The following SMC6 variants were observed in gnomAD, a reference collection of about 807,000 sequenced individuals.
SMC6 encodes the protein structural maintenance of chromosomes protein 6.
A neutral mutation model predicts 142.2 loss-of-function variants in SMC6; 79 were observed. The observed-to-expected ratio is 0.56, with a 90% CI of 0.46 to 0.67. The LOEUF is 0.67. Among genes scored for constraint, SMC6 ranks in the 30% least tolerant of loss-of-function variants. SMC6 has a pLI of 0.00. For synonymous variants in SMC6, 411 were observed against 412.4 expected (o/e 1.00, Z 0.04); for missense variants, 1,072 against 1,284.0 (o/e 0.83, Z 2.52).
At chr2:17,725,997 A>G (rs1669596994) in intron 8 of SMC6, among the ~76,000 whole-genome samples, 2 of 150,176 alleles carry the variant, frequency 1.3e-5, no homozygotes, top group African/African-American at 4.9e-5. Flanking sequence ...CTGAGGCACG[A>G]AAATCACTTA....
At chr2:17,723,024 G>GA (rs926813678) in intron 9 of SMC6, among the ~76,000 whole-genome samples, 2 of 142,136 alleles carry the variant, frequency 1.4e-5, no homozygotes, top group Admixed American at 7.0e-5. Context: ...GAAAAGAAAG[G>GA]AAAAAAAAAG....
intron 7 of SMC6, among the ~76,000 whole-genome samples, chr2:17,730,348 A>T (rs1669844543): frequency 6.6e-6 from 1 of 152,022 alleles, no homozygotes; most frequent in Admixed American, 6.6e-5. Context: ...TCTTTCTAGA[A>T]TAAATTTTCT....
At chr2:17,753,336 C>A in intron 1 of SMC6, among the ~76,000 whole-genome samples, 1 of 151,684 alleles carries the variant, frequency 6.6e-6, no homozygotes, top group South Asian at 2.1e-4. Context: ...GGGACGGCCG[C>A]CTGGGAGGGG....
At chr2:17,708,491 T>C (rs903902816) in intron 17 of SMC6, 148 bp downstream of exon 17, 12 of 370,474 alleles carry the variant, frequency 3.2e-5, no homozygotes, top group Admixed American at 1.4e-4. Flanking sequence ...TTCTATATTA[T>C]CCTACAGATT....
rs371061184 is a variant in SMC6, at chr2:17,726,183, AG to A, written c.624+205del. Among the ~76,000 whole-genome samples the A allele has an allele frequency of 2.0e-3, 296 of 151,628 alleles. 3 individuals carry two copies. The highest frequency in any genetic ancestry group is 6.9e-3 in the African/African-American group (284 of 41,400). On this transcript the variant is annotated intron_variant, in intron 8 of 27. Transcript: ENST00000448223. ...ATTTCCTTAAAGATTAAGAATTAAAAGCCAAAAAGTAAAAACAAAGATTTAA... is the reference window on the plus strand; with the variant it reads ...ATTTCCTTAAAGATTAAGAATTAAAACCAAAAAGTAAAAACAAAGATTTAA...
chr2:17,670,524 A>T lies in SMC6; in HGVS notation c.2962T>A (p.Ser988Thr). Residue 988 changes from serine to threonine, a missense_variant, in exon 26 of 28, where the codon TCT (serine) becomes ACT (threonine). Around this residue, in one of 3 missense-constraint regions of SMC6, gnomAD observed 2 missense variants for 18.5 expected, o/e 0.11. Transcript: ENST00000448223. ...KAAFNDMRAL[S>T]GGERSFSTVC... ...GTGGAGAAAGAACGTTCACCTCCAG[A>T]CAAGGCTCTCATGTCATTGAAAGCA... is the stretch of plus-strand genomic sequence containing the variant. 1 of 1,603,410 alleles carries T rather than the reference A, an allele frequency of 6.2e-7. No individual in the cohort carries two copies. Among genetic ancestry groups the T allele is most frequent in the Non-Finnish European group, 8.5e-7 (1 of 1,177,012 alleles).
intron 25 of SMC6, among the ~76,000 whole-genome samples, chr2:17,675,400 T>G (rs1666954441): frequency 6.6e-6 from 1 of 152,112 alleles, no homozygotes; most frequent in African/African-American, 2.4e-5. Context: ...TTTAGACGGC[T>G]GAAACTGTTT....
chr2:17,710,763 A>G (rs1236908871), intron 16 of SMC6, among the ~76,000 whole-genome samples: 1 of 152,180 alleles, frequency 6.6e-6, no homozygotes, highest in Non-Finnish European at 1.5e-5. Flanking sequence ...ATGCCTTGAT[A>G]AGAGCTGTTT....
At position 17,726,087 on chromosome 2, in the gene SMC6, T is replaced by TAAAAAAAAAAAA. The variant is rs35471536; in HGVS notation, c.624+290_624+301dup. ...TGGAAGACAGAGCAAGGCTCTGTCT[T>TAAAAAAAAAAAA]AAAAAAAAAAAAAAAAAAAAAAAAA... is the stretch of plus-strand genomic sequence containing the variant. On this transcript the variant is annotated intron_variant, in intron 8 of 27. Coordinates refer to ENST00000448223, the MANE Select transcript of SMC6 (RefSeq NM_001142286.2). Among the ~76,000 whole-genome samples the TAAAAAAAAAAAA allele has an allele frequency of 9.5e-4, 52 of 54,962 alleles. 2 individuals are homozygous for TAAAAAAAAAAAA. The highest frequency in any genetic ancestry group is 3.4e-3 in the African/African-American group (38 of 11,028). The allele number at this position is 54,962 out of a possible 152,430, so 36.1% of individuals were successfully genotyped here.
rs563761676 is a variant in SMC6, at chr2:17,703,100, C to G, written c.2142+57G>C. 7.2e-5 allele frequency: 80 copies of G among 1,114,094 alleles called. No homozygotes were observed. In the African/African-American group the frequency reaches 1.2e-3, roughly 17 times the overall value. 69.0% of individuals were successfully genotyped at this position (1,114,094 alleles called of 1,614,324 possible). On this transcript the variant is annotated intron_variant, in intron 19 of 27. Transcript: ENST00000448223. ...GTCAATAATGGGATCTTAAAATCAACTTCGTAGTAGTAAGTTGAAAAAAAC... is the reference window on the plus strand; with the variant it reads ...GTCAATAATGGGATCTTAAAATCAAGTTCGTAGTAGTAAGTTGAAAAAAAC...
At chr2:17,751,524 G>T (rs922180187) in intron 2 of SMC6, among the ~76,000 whole-genome samples, 4 of 151,914 alleles carry the variant, frequency 2.6e-5, no homozygotes, top group Non-Finnish European at 1.5e-5. Flanking sequence ...AGTTTCAAGT[G>T]CTCCTAAGGT....
chr2:17,725,581 T>C (rs1412261592), intron 8 of SMC6, among the ~76,000 whole-genome samples: 1 of 152,138 alleles, frequency 6.6e-6, no homozygotes, highest in Admixed American at 6.6e-5. Flanking sequence ...TTGCAAAAGC[T>C]CTTAAAACCC....
intron 23 of SMC6, among the ~76,000 whole-genome samples, chr2:17,684,877 C>G (rs142496868): frequency 2.0e-5 from 3 of 151,768 alleles, no homozygotes; most frequent in Non-Finnish European, 4.4e-5. Flanking sequence ...CAAGTGCTAC[C>G]AGGAAGGAAT....
At chr2:17,694,239 T>C (rs1308926540) in intron 23 of SMC6, among the ~76,000 whole-genome samples, 1 of 152,054 alleles carries the variant, frequency 6.6e-6, no homozygotes, top group Non-Finnish European at 1.5e-5. Context: ...AGAGATTGGT[T>C]AATGGGTACA....
rs375686324 is a variant in SMC6, at chr2:17,696,293, A to C, written c.2528T>G (p.Leu843Arg). Residue 843 changes from leucine to arginine, a missense_variant, in exon 22 of 28, where the codon CTA becomes CGA. Around this residue, in one of 3 missense-constraint regions of SMC6, gnomAD observed 994 missense variants for 1,153.2 expected, o/e 0.86. Transcript: ENST00000448223. ...KRELDMKEKELEEKMSQARQI... is the reference protein window; with the variant it reads ...KRELDMKEKEREEKMSQARQI... The stretch of plus-strand genomic sequence containing the variant: ...TTGAAAAAAATGGTGAAAAACCTCT[A>C]GTTCTTTCTCTTTCATATCCAGTTC... The C allele has an allele frequency of 1.4e-5, 23 of 1,587,284 alleles. No homozygotes were observed. Among genetic ancestry groups the C allele is most frequent in the Admixed American group, 3.9e-5 (2 of 50,730 alleles).
chr2:17,714,237 A>G (rs187829774), intron 16 of SMC6, among the ~76,000 whole-genome samples: 369 of 151,932 alleles, frequency 2.4e-3, no homozygotes, highest in African/African-American at 7.4e-3. Flanking sequence ...CTGGGACCAC[A>G]GGCACACACG....
At chr2:17,727,729 G>A (rs1669700260) in intron 7 of SMC6, among the ~76,000 whole-genome samples, 1 of 152,120 alleles carries the variant, frequency 6.6e-6, no homozygotes, top group Non-Finnish European at 1.5e-5. Flanking sequence ...TAAGGTTATT[G>A]TATAAATGAA....
chr2:17,733,648 G>A (rs1670012346), intron 5 of SMC6, among the ~76,000 whole-genome samples: 1 of 152,298 alleles, frequency 6.6e-6, no homozygotes, highest in African/African-American at 2.4e-5. Flanking sequence ...GTCGAGAGAT[G>A]GTGAATCCTG....
At chr2:17,683,994 G>A (rs1053319956) in intron 23 of SMC6, among the ~76,000 whole-genome samples, 6 of 152,184 alleles carry the variant, frequency 3.9e-5, no homozygotes, top group Admixed American at 2.0e-4. Flanking sequence ...CCAAGCCCTA[G>A]AGGAGGCAGA....
Sources: allele counts gnomAD v4.1 joint callset (sites outside exome capture counted in the v4.1 genomes callset), GRCh38; gene constraint gnomAD v4.1.1; regional missense constraint gnomAD v4.1.1; transcripts MANE v1.5; gene names NCBI Gene and HGNC (gene_info 2026-07-23, HGNC 2026-07-21).